TOM1: variants seen among roughly 807,000 people sequenced by gnomAD.
TOM1 encodes the protein target of myb1 membrane trafficking protein.
Under a neutral mutation model 61.3 loss-of-function variants are expected in TOM1, and 38 were observed. The observed-to-expected ratio is 0.62, with a 90% CI of 0.48 to 0.81. The LOEUF is 0.81. TOM1 is among the 40% of genes least tolerant of loss of function. TOM1 has a pLI of 0.00. For missense variants in TOM1, 591 were observed against 659.6 expected (o/e 0.90, Z 1.14); for synonymous variants, 270 against 268.8 (o/e 1.00, Z -0.04).
At chr22:35,333,346 C>A (rs1929000410) in intron 9 of TOM1, 58 bp from the exon 10 acceptor site, 2 of 1,512,238 alleles carry the variant, frequency 1.3e-6, no homozygotes, top group Non-Finnish European at 1.8e-6. Flanking sequence ...GTGCTTGGGG[C>A]AGAAAGGAAC....
chr22:35,323,823 G>C lies in TOM1; in HGVS notation c.557G>C (p.Ser186Thr), dbSNP rs139058644. ...SGQDSVGTDS[S>T]QQEDSGQHAA... ...CAGGATTCTGTGGGCACTGACTCCA[G>C]CCAGCAAGAGGACTCTGGCCAGCAT... The change falls in exon 6 of 15, where the codon AGC becomes ACC. Residue 186 changes from serine to threonine, a missense_variant. Ser to Thr is a moderately conservative substitution (Grantham distance 58, BLOSUM62 1). Coordinates refer to ENST00000449058, the MANE Select transcript of TOM1 (RefSeq NM_005488.3). This position sits in a 1 kb window ranked among gnomAD's most constrained non-coding sequence, Gnocchi z 4.2. 55 of 1,613,132 alleles carry C rather than the reference G, an allele frequency of 3.4e-5. No homozygotes were observed. The highest frequency in any genetic ancestry group is 4.5e-5 in the Non-Finnish European group (53 of 1,179,560).
intron 3 of TOM1, chr22:35,322,380 G>C (rs1927872810): frequency 3.5e-6 from 1 of 289,516 alleles, no homozygotes; most frequent in African/African-American, 2.2e-5. Flanking sequence ...GTTGGGTGCT[G>C]CTCGGCACTT....
rs1181423829 is a variant in TOM1 at position 35,343,882 on chromosome 22, TACACCTAC to T, written c.1225-1836_1225-1829del. 1.6e-5 allele frequency among the ~76,000 whole-genome samples: 2 copies of T among 125,232 alleles called. 1 individual carries two copies. Among genetic ancestry groups the T allele is most frequent in the African/African-American group, 6.2e-5 (2 of 32,300 alleles). 82.2% of individuals were successfully genotyped at this position (125,232 alleles called of 152,430 possible). On this transcript the variant is annotated intron_variant, in intron 12 of 14. Coordinates refer to ENST00000449058, the MANE Select transcript of TOM1 (RefSeq NM_005488.3). ...TGCATATACCACCCCTACACACTCA[TACACCTAC>T]ACACCTGCACACACACCCCTACACA...
chr22:35,335,879 G>C (rs1929274453), intron 11 of TOM1: 1 of 154,110 alleles, frequency 6.5e-6, no homozygotes, highest in South Asian at 2.0e-4. Context: ...GTGATAGGAA[G>C]GCCATTTCAG....
At position 35,323,771 on chromosome 22, in the gene TOM1, G is replaced by A. The variant is rs371088274; in HGVS notation, c.505G>A (p.Val169Met). ...GATCCTGTTTTCCTCCCACTAGACC[G>A]TGTTCAACTCAGAGACACAATCAGG... is the stretch of plus-strand genomic sequence containing the variant. ...LSPIHTPQRT[V>M]FNSETQSGQD... The change falls in exon 6 of 15, where the codon GTG becomes ATG. Residue 169 changes from valine to methionine, a missense_variant. Transcript: ENST00000449058. The surrounding 1 kb of genome is among the most constrained non-coding windows in gnomAD (Gnocchi z 4.2). The A allele has an allele frequency of 2.7e-5, 43 of 1,606,518 alleles. No homozygotes were observed. In the East Asian group the frequency reaches 3.4e-4, roughly 13 times the overall value.
intron 12 of TOM1, among the ~76,000 whole-genome samples, chr22:35,339,013 G>T (rs896406041): frequency 6.6e-6 from 1 of 152,224 alleles, no homozygotes; most frequent in Non-Finnish European, 1.5e-5. Context: ...CACAAGCAAG[G>T]ATTCAGACCT....
intron 12 of TOM1, chr22:35,344,692 C>G (rs2145734401): frequency 6.6e-6 from 1 of 152,296 alleles, no homozygotes; most frequent in Admixed American, 6.5e-5. Flanking sequence ...CCAAACTGGC[C>G]TGGTTGGGGA....
At chr22:35,343,648 A>G (rs1336211682) in intron 12 of TOM1, among the ~76,000 whole-genome samples, 12 of 127,666 alleles carry the variant, frequency 9.4e-5, no homozygotes, top group Admixed American at 9.1e-4. Flanking sequence ...CACCACACCT[A>G]TACTCATACA....
rs571589539 is a variant in TOM1 at position 35,311,841 on chromosome 22, A to C, written c.53-6036A>C. On this transcript the variant is annotated intron_variant, in intron 1 of 14. Coordinates refer to ENST00000449058, the MANE Select transcript of TOM1 (RefSeq NM_005488.3). ...TGCACAGGCTGACACTTCTTCACTG[A>C]ATGATGGCTGTCATTGTTCTCCATG... Among the ~76,000 whole-genome samples, 5 of 152,334 alleles carry C rather than the reference A, an allele frequency of 3.3e-5. No individual in the cohort carries two copies. In the East Asian group the frequency reaches 9.6e-4, roughly 29 times the overall value.
chr22:35,304,415 C>G (rs1926132857), intron 1 of TOM1, among the ~76,000 whole-genome samples: 1 of 152,238 alleles, frequency 6.6e-6, no homozygotes, highest in African/African-American at 2.4e-5. Context: ...CCTCTTCTTT[C>G]AAGGATTTCA....
chr22:35,322,924 C>T (rs546745873), intron 3 of TOM1, 104 bp from the exon 4 acceptor site: 2 of 1,394,732 alleles, frequency 1.4e-6, no homozygotes, highest in Non-Finnish European at 1.9e-6. Flanking sequence ...CATCTCCTCT[C>T]CCGGGCCTCC....
chr22:35,345,627 G>A, intron 12 of TOM1, 98 bp from the exon 13 acceptor site: 3 of 1,253,242 alleles, frequency 2.4e-6, no homozygotes, highest in Non-Finnish European at 3.5e-6. Context: ...GGCTGGGGTG[G>A]GAGGCTGCCC....
chr22:35,300,057 G>T, intron 1 of TOM1, 77 bp downstream of exon 1: 2 of 1,503,120 alleles, frequency 1.3e-6, no homozygotes, highest in Non-Finnish European at 1.8e-6. Context: ...GCCTCCGGGT[G>T]CCTAGTCACG....
At position 35,320,987 on chromosome 22, in the gene TOM1, G is replaced by GAAAAAAAAAAA. The variant is rs138783; in HGVS notation, c.138-968_138-958dup. Among the ~76,000 whole-genome samples, 11 of 88,950 alleles carry GAAAAAAAAAAA rather than the reference G, an allele frequency of 1.2e-4. 3 individuals are homozygous for GAAAAAAAAAAA. Among genetic ancestry groups the GAAAAAAAAAAA allele is most frequent in the Non-Finnish European group, 2.4e-4 (10 of 41,702 alleles). 58.4% of individuals were successfully genotyped at this position (88,950 alleles called of 152,430 possible). On this transcript the variant is annotated intron_variant, in intron 2 of 14. Coordinates refer to ENST00000449058, the MANE Select transcript of TOM1 (RefSeq NM_005488.3). ...ACAGAGTGAGACTCTGTCTCAGAAG[G>GAAAAAAAAAAA]AAAAAAAAAAAAAACTTGAATGGAA...
intron 1 of TOM1, among the ~76,000 whole-genome samples, chr22:35,309,828 A>G (rs1052807512): frequency 6.6e-6 from 1 of 152,086 alleles, no homozygotes; most frequent in Non-Finnish European, 1.5e-5. Flanking sequence ...CACAGGTGAA[A>G]GTACCAACTG....
intron 1 of TOM1, among the ~76,000 whole-genome samples, chr22:35,308,926 G>A (rs923117106): frequency 3.9e-5 from 6 of 152,134 alleles, no homozygotes; most frequent in African/African-American, 1.4e-4. Context: ...GGCAGCCAGG[G>A]TTTTGAGGAA....
intron 2 of TOM1, among the ~76,000 whole-genome samples, chr22:35,318,920 G>T (rs1266049876): frequency 6.6e-6 from 1 of 152,232 alleles, no homozygotes; most frequent in African/African-American, 2.4e-5. Context: ...GCGTGGAGAG[G>T]CGCAGGCTGG....
In TOM1 at chr22:35,305,440, T is replaced by TC. The variant is rs542045200; in HGVS notation, c.52+5461dup. On this transcript the variant is annotated intron_variant, in intron 1 of 14. Transcript: ENST00000449058. ...ACGTTGGGAGGCCGAGGCGGGTGGA[T>TC]CACGAGGTCAAGAAATTGAGACCAT... Among the ~76,000 whole-genome samples, 6 of 152,202 alleles carry TC rather than the reference T, an allele frequency of 3.9e-5. No homozygotes were observed. In the East Asian group the frequency reaches 1.2e-3, roughly 29 times the overall value.
At chr22:35,327,660 T>C (rs529401000) in intron 7 of TOM1, among the ~76,000 whole-genome samples, 1 of 152,328 alleles carries the variant, frequency 6.6e-6, no homozygotes, top group Admixed American at 6.5e-5. Flanking sequence ...ACAAGTTTGA[T>C]GTGAGTTAAA....
Sources: allele counts gnomAD v4.1 joint callset (sites outside exome capture counted in the v4.1 genomes callset), GRCh38; gene constraint gnomAD v4.1.1; non-coding constraint Gnocchi (gnomAD v3.1); transcripts MANE v1.5; gene names NCBI Gene and HGNC (gene_info 2026-07-23, HGNC 2026-07-21).